Variants in SGIP1 observed in about 807,000 individuals in gnomAD.
SGIP1 encodes SH3-containing GRB2-like protein 3-interacting protein 1.
Under a neutral mutation model 107.5 loss-of-function variants are expected in SGIP1, and 38 were observed. That is an observed-to-expected ratio of 0.35 (90% confidence interval 0.27 to 0.46). The LOEUF (loss-of-function observed/expected upper bound fraction) is 0.46. Among genes scored for constraint, SGIP1 ranks in the 20% least tolerant of loss-of-function variants. SGIP1 has a pLI of 1.00. For synonymous variants in SGIP1, 365 were observed against 366.1 expected (o/e 1.00, Z 0.03); for missense variants, 929 against 1,019.5 (o/e 0.91, Z 1.21).
intron 1 of SGIP1, among the ~76,000 whole-genome samples, chr1:66,583,208 C>A (rs1461283483): frequency 6.6e-6 from 1 of 152,000 alleles, no homozygotes; most frequent in East Asian, 1.9e-4. Context: ...TTTGATGAGA[C>A]TGAAAGATGG....
intron 18 of SGIP1, among the ~76,000 whole-genome samples, chr1:66,716,923 A>C (rs548535420): frequency 6.6e-6 from 1 of 152,152 alleles, no homozygotes; most frequent in East Asian, 1.9e-4. Flanking sequence ...ACACACAAAT[A>C]CCACACTTCC....
intron 18 of SGIP1, among the ~76,000 whole-genome samples, chr1:66,697,980 TC>T (rs1294625883): frequency 1.3e-5 from 2 of 152,208 alleles, no homozygotes; most frequent in Admixed American, 1.3e-4. Context: ...GAAGAAAGAT[TC>T]CCACTTCAAA....
chr1:66,534,511 G>C, intron 1 of SGIP1, 143 bp downstream of exon 1: 1 of 922,566 alleles, frequency 1.1e-6, no homozygotes, highest in Non-Finnish European at 1.7e-6. Context: ...CAGTTTGCTT[G>C]CAGTGGATCT....
intron 8 of SGIP1, 109 bp downstream of exon 8, chr1:66,660,633 G>T: frequency 1.9e-6 from 2 of 1,074,394 alleles, no homozygotes; most frequent in Admixed American, 1.8e-5. Flanking sequence ...ACAAGGTTTT[G>T]AACTTTAAAA....
chr1:66,537,528 A>G (rs1279494121), intron 1 of SGIP1, among the ~76,000 whole-genome samples: 1 of 152,162 alleles, frequency 6.6e-6, no homozygotes, highest in Non-Finnish European at 1.5e-5. Context: ...GTGTCTAGAA[A>G]GTACTTTCCT....
At chr1:66,629,586 G>A (rs2073795485) in intron 2 of SGIP1, among the ~76,000 whole-genome samples, 1 of 151,814 alleles carries the variant, frequency 6.6e-6, no homozygotes, top group African/African-American at 2.4e-5. Flanking sequence ...AAAAAAAAAA[G>A]ACAGTAGTTA....
intron 21 of SGIP1, among the ~76,000 whole-genome samples, chr1:66,736,110 A>G (rs1197718489): frequency 6.8e-6 from 1 of 148,040 alleles, no homozygotes; most frequent in Non-Finnish European, 1.5e-5. Context: ...TAATATTTAC[A>G]TATACAACCT....
rs1212996707 is a variant in SGIP1, at chr1:66,729,364, G to A, written c.1843G>A (p.Val615Met). The A allele has an allele frequency of 2.5e-6, 4 of 1,613,966 alleles. No individual in the cohort carries two copies. Among genetic ancestry groups the A allele is most frequent in the Non-Finnish European group, 3.4e-6 (4 of 1,180,006 alleles). The stretch of plus-strand genomic sequence containing the variant: ...GTCCCCAGCTGCTCTGACTTTTCGG[G>A]TGATAAATTTCAGCAGGTTAGAACA... ...NPSPAALTFRVINFSRLEHVL... is the reference protein window; with the variant it reads ...NPSPAALTFRMINFSRLEHVL... The change falls in exon 20 of 25, where the codon GTG (valine) becomes ATG (methionine). Residue 615 changes from valine (V) to methionine (M), a missense_variant. By Grantham distance (21) the Val-to-Met change is conservative. Coordinates refer to ENST00000371037, the MANE Select transcript of SGIP1 (RefSeq NM_032291.4).
At chr1:66,564,040 T>G (rs1221712754) in intron 1 of SGIP1, among the ~76,000 whole-genome samples, 1 of 151,928 alleles carries the variant, frequency 6.6e-6, no homozygotes, top group Non-Finnish European at 1.5e-5. Flanking sequence ...TAAACCAAAT[T>G]AAAGTCAACA....
At chr1:66,594,080 A>C (rs759572457) in intron 1 of SGIP1, among the ~76,000 whole-genome samples, 3 of 152,224 alleles carry the variant, frequency 2.0e-5, no homozygotes, top group Non-Finnish European at 4.4e-5. Flanking sequence ...ATAAAGTGGA[A>C]AGTGAGTATA....
At chr1:66,701,019 G>A (rs1441095866) in intron 18 of SGIP1, among the ~76,000 whole-genome samples, 3 of 152,040 alleles carry the variant, frequency 2.0e-5, no homozygotes, top group East Asian at 3.9e-4. Flanking sequence ...AAAAATAAAC[G>A]CTTGGGCATT....
chr1:66,577,327 T>C (rs1269404800), intron 1 of SGIP1, among the ~76,000 whole-genome samples: 3 of 152,180 alleles, frequency 2.0e-5, no homozygotes, highest in Non-Finnish European at 4.4e-5. Context: ...AGTATCCAGG[T>C]CTACATCATA....
intron 18 of SGIP1, among the ~76,000 whole-genome samples, chr1:66,718,718 T>C (rs1348999634): frequency 2.0e-5 from 3 of 152,084 alleles, no homozygotes; most frequent in Non-Finnish European, 4.4e-5. Flanking sequence ...AATTAGTGCA[T>C]TTATGTGTTG....
At chr1:66,667,858 A>G (rs2149799506) in intron 9 of SGIP1, among the ~76,000 whole-genome samples, 2 of 152,248 alleles carry the variant, frequency 1.3e-5, no homozygotes, top group South Asian at 4.1e-4. Flanking sequence ...CTAGAGATTC[A>G]CCAGAAAGTA....
chr1:66,684,163 G>T, intron 15 of SGIP1: 1 of 1,550,578 alleles, frequency 6.4e-7, no homozygotes, highest in Non-Finnish European at 8.7e-7. Flanking sequence ...ACAAGCTGGA[G>T]GCAATGAACT....
At chr1:66,601,525 G>T (rs982290559) in intron 1 of SGIP1, among the ~76,000 whole-genome samples, 1 of 152,080 alleles carries the variant, frequency 6.6e-6, no homozygotes, top group African/African-American at 2.4e-5. Flanking sequence ...GTGCATGTGT[G>T]TGTGTGTGAG....
At position 66,729,309 on chromosome 1, in the gene SGIP1, T is replaced by G. The variant is rs140978303; in HGVS notation, c.1788T>G (p.Ala596=). 1.5e-4 allele frequency: 236 copies of G among 1,614,178 alleles called. No individual in the cohort carries two copies. Among genetic ancestry groups the G allele is most frequent in the Admixed American group, 4.0e-4 (24 of 60,014 alleles). The part of the protein sequence containing the change: ...ITGEMVLSFP[A]GITRHFANNP... Reference sequence around the variant, plus strand: ...GAGAAATGGTGTTGTCATTTCCTGCTGGCATCACCAGACACTTTGCCAACA... The same window carrying G: ...GAGAAATGGTGTTGTCATTTCCTGCGGGCATCACCAGACACTTTGCCAACA... The change falls in exon 20 of 25, where the codon GCT becomes GCG. Residue 596 remains alanine, a synonymous_variant. Transcript: ENST00000371037.
chr1:66,639,633 C>T lies in SGIP1; in HGVS notation c.172-144C>T, dbSNP rs544801144. On this transcript the variant is annotated intron_variant, in intron 4 of 24. Coordinates refer to ENST00000371037, the MANE Select transcript of SGIP1 (RefSeq NM_032291.4). ...TTACCATTCCATTACACAAATGTGG[C>T]TCCTTAATAAACTGCTCTAATATGT... is the stretch of plus-strand genomic sequence containing the variant. 33 of 643,704 alleles carry T rather than the reference C, an allele frequency of 5.1e-5. 1 individual carries two copies. The East Asian group carries it at 7.1e-4, about 14-fold the overall frequency. The allele number at this position is 643,704 out of a possible 1,614,324, so 39.9% of individuals were successfully genotyped here.
intron 1 of SGIP1, among the ~76,000 whole-genome samples, chr1:66,549,173 T>G (rs577287402): frequency 3.5e-4 from 53 of 151,586 alleles, no homozygotes; most frequent in African/African-American, 1.3e-3. Context: ...CTTCCTTCCT[T>G]CCTTCCTTCC....
Sources: allele counts gnomAD v4.1 joint callset (sites outside exome capture counted in the v4.1 genomes callset), GRCh38; gene constraint gnomAD v4.1.1; transcripts MANE v1.5; gene names NCBI Gene and HGNC (gene_info 2026-07-23, HGNC 2026-07-21).